Variants in PLCB1 observed in about 807,000 individuals in gnomAD.
PLCB1 encodes the protein phospholipase C beta 1, also known as 1-phosphatidylinositol 4,5-bisphosphate phosphodiesterase beta-1.
A neutral mutation model predicts 161.8 loss-of-function variants in PLCB1; 46 were observed. The observed-to-expected ratio is 0.28, with a 90% CI of 0.22 to 0.36. The LOEUF (loss-of-function observed/expected upper bound fraction) is 0.36. Ranked by LOEUF, PLCB1 falls within the 10% of genes least tolerant of loss-of-function variation. The pLI is 1.00. For synonymous variants in PLCB1, 517 were observed against 503.7 expected (o/e 1.03, Z -0.35); for missense variants, 1,016 against 1,472.5 (o/e 0.69, Z 5.07).
At chr20:8,322,041 G>T (rs1279756216) in intron 2 of PLCB1, among the ~76,000 whole-genome samples, 1 of 152,168 alleles carries the variant, frequency 6.6e-6, no homozygotes, top group African/African-American at 2.4e-5. Flanking sequence ...GGTCCATCAG[G>T]TTTTAGTAGG....
chr20:8,676,245 C>T (rs1990071299), intron 9 of PLCB1, among the ~76,000 whole-genome samples: 1 of 152,188 alleles, frequency 6.6e-6, no homozygotes, highest in Admixed American at 6.5e-5. Context: ...CCTATAGTCC[C>T]TGCTACTCAG....
chr20:8,409,225 C>T (rs1359648666), intron 3 of PLCB1, among the ~76,000 whole-genome samples: 1 of 152,128 alleles, frequency 6.6e-6, no homozygotes, highest in African/African-American at 2.4e-5. Context: ...TCTGTGATGG[C>T]ATGCAACTGC....
intron 10 of PLCB1, among the ~76,000 whole-genome samples, chr20:8,686,058 A>G (rs1223972605): frequency 2.0e-5 from 3 of 152,198 alleles, no homozygotes; most frequent in African/African-American, 4.8e-5. Flanking sequence ...TATTAACACA[A>G]TTTAAATAAG....
chr20:8,876,056 A>T (rs984362057), intron 31 of PLCB1, among the ~76,000 whole-genome samples: 27 of 152,158 alleles, frequency 1.8e-4, no homozygotes, highest in African/African-American at 6.5e-4. Context: ...ACTTGACCGT[A>T]TTGCCTTTTC....
chr20:8,756,817 G>T (rs761234965), intron 23 of PLCB1, among the ~76,000 whole-genome samples: 1 of 152,170 alleles, frequency 6.6e-6, no homozygotes, highest in Non-Finnish European at 1.5e-5. Context: ...CCACCAACGG[G>T]CATAGACATA....
rs1182838054 is a variant in PLCB1 at position 8,433,423 on chromosome 20, T to G, written c.246+61973T>G. Among the ~76,000 whole-genome samples, 2 of 116,290 alleles carry G rather than the reference T, an allele frequency of 1.7e-5. 1 individual carries two copies. Among genetic ancestry groups the G allele is most frequent in the Non-Finnish European group, 3.7e-5 (2 of 53,420 alleles). The allele number at this position is 116,290 out of a possible 152,430, so 76.3% of individuals were successfully genotyped here. On this transcript the variant is annotated intron_variant, in intron 3 of 31. Transcript: ENST00000338037. ...TTTTGATTTGCAATGTGGAAGCTGC[T>G]TTTGCTCATGCTTTCTGAAGATCTT...
intron 2 of PLCB1, among the ~76,000 whole-genome samples, chr20:8,190,600 GA>G (rs1179261314): frequency 6.6e-6 from 1 of 152,054 alleles, no homozygotes; most frequent in Non-Finnish European, 1.5e-5. Flanking sequence ...CAGATAAAGT[GA>G]GCTGGACATT....
chr20:8,198,621 A>T (rs1004290877), intron 2 of PLCB1, among the ~76,000 whole-genome samples: 1 of 151,998 alleles, frequency 6.6e-6, no homozygotes, highest in African/African-American at 2.4e-5. Flanking sequence ...CCATCAAGGG[A>T]AATGTGCTGA....
chr20:8,742,381 A>C (rs1980928319), intron 23 of PLCB1, among the ~76,000 whole-genome samples: 2 of 152,176 alleles, frequency 1.3e-5, no homozygotes, highest in African/African-American at 2.4e-5. Flanking sequence ...AATAAGTATA[A>C]CTAATAGTTA....
At position 8,207,146 on chromosome 20, in the gene PLCB1, A is replaced by G. The variant is rs997853773; in HGVS notation, c.177+56775A>G. 7.9e-5 allele frequency among the ~76,000 whole-genome samples: 12 copies of G among 152,040 alleles called. 2 individuals are homozygous for G. The highest frequency in any genetic ancestry group is 2.9e-4 in the African/African-American group (12 of 41,460). The stretch of plus-strand genomic sequence containing the variant: ...TTAAATTCTCTTCTGCTGTTATATG[A>G]TATTTATAAAATTTTAAAAGTGCAG... On this transcript the variant is annotated intron_variant, in intron 2 of 31. Transcript: ENST00000338037.
intron 3 of PLCB1, among the ~76,000 whole-genome samples, chr20:8,460,257 C>G (rs1257942357): frequency 6.6e-6 from 1 of 152,162 alleles, no homozygotes; most frequent in East Asian, 1.9e-4. Flanking sequence ...TCTAAAGGGA[C>G]TCTAAAACTA....
chr20:8,563,197 A>T (rs1187552172), intron 3 of PLCB1, among the ~76,000 whole-genome samples: 4 of 152,064 alleles, frequency 2.6e-5, no homozygotes, highest in African/African-American at 9.7e-5. Flanking sequence ...GTGAACAAAA[A>T]AGTTTGCTTA....
At chr20:8,800,342 T>C (rs1984225032) in intron 31 of PLCB1, among the ~76,000 whole-genome samples, 1 of 152,236 alleles carries the variant, frequency 6.6e-6, no homozygotes, top group South Asian at 2.1e-4. Context: ...CAGACACAAG[T>C]GTTCTGTGTT....
chr20:8,504,628 G>A (rs557627873), intron 3 of PLCB1, among the ~76,000 whole-genome samples: 196 of 151,716 alleles, frequency 1.3e-3, no homozygotes, highest in African/African-American at 4.0e-3. Context: ...CTCCTCTTTC[G>A]CTTATATTTT....
rs576127097 is a variant in PLCB1 at position 8,270,255 on chromosome 20, A to T, written c.178-101127A>T. On this transcript the variant is annotated intron_variant, in intron 2 of 31. Transcript: ENST00000338037. ...TCACTTTCCTAATCACATTACATTG[A>T]CTTTCTTCATTTCTTTCTCCCCCAC... is the stretch of plus-strand genomic sequence containing the variant. Among the ~76,000 whole-genome samples the T allele has an allele frequency of 9.9e-4, 150 of 152,178 alleles. 1 individual carries two copies. Among genetic ancestry groups the T allele is most frequent in the South Asian group, 7.7e-3 (37 of 4,822 alleles).
chr20:8,841,010 G>A (rs1033309599), intron 31 of PLCB1, among the ~76,000 whole-genome samples: 5 of 152,054 alleles, frequency 3.3e-5, no homozygotes, highest in African/African-American at 1.2e-4. Flanking sequence ...AAAAATTTTT[G>A]TATTTTTAGT....
chr20:8,422,668 T>A (rs900190568), intron 3 of PLCB1, among the ~76,000 whole-genome samples: 1 of 152,214 alleles, frequency 6.6e-6, no homozygotes, highest in South Asian at 2.1e-4. Context: ...TTAATGGAGA[T>A]GTGCATTTGG....
chr20:8,466,349 G>A (rs867339313), intron 3 of PLCB1, among the ~76,000 whole-genome samples: 1 of 148,594 alleles, frequency 6.7e-6, no homozygotes, highest in Non-Finnish European at 1.5e-5. Flanking sequence ...GGGAGGGATA[G>A]CATTGGGAGA....
rs1275139695 is a variant in PLCB1, at chr20:8,757,296, C to T, written c.2656+118C>T. On this transcript the variant is annotated intron_variant, in intron 24 of 31. Coordinates refer to ENST00000338037, the MANE Select transcript of PLCB1 (RefSeq NM_015192.4). ...CATCAAGTGGGGAAAGATGTGTGGA[C>T]TTAGGAGGAGCTCCGTCAATGTGCA... 6.7e-6 allele frequency: 7 copies of T among 1,049,874 alleles called. No homozygotes were observed. The African/African-American group carries it at 7.9e-5, about 12-fold the overall frequency. 65.0% of individuals were successfully genotyped at this position (1,049,874 alleles called of 1,614,324 possible).
Sources: allele counts gnomAD v4.1 joint callset (sites outside exome capture counted in the v4.1 genomes callset), GRCh38; gene constraint gnomAD v4.1.1; transcripts MANE v1.5; gene names NCBI Gene and HGNC (gene_info 2026-07-23, HGNC 2026-07-21).